TTC13: variants seen among roughly 807,000 people sequenced by gnomAD.
TTC13 encodes the protein tetratricopeptide repeat domain 13, also known as tetratricopeptide repeat protein 13.
TTC13 carries 62 observed loss-of-function variants against 120.0 expected under a neutral mutation model. The observed-to-expected ratio is 0.52, with a 90% CI of 0.42 to 0.64. The LOEUF (loss-of-function observed/expected upper bound fraction) is 0.64, where lower values mean the gene tolerates loss of function less well. TTC13 is among the 30% of genes least tolerant of loss of function. TTC13 has a pLI of 0.00. For missense variants in TTC13, 824 were observed against 1,050.2 expected (o/e 0.78, Z 2.98); for synonymous variants, 384 against 393.5 (o/e 0.98, Z 0.28).
chr1:230,908,681 A>C lies in TTC13; in HGVS notation c.2468+31T>G, dbSNP rs191543002. ...CTCCTTTTCCTCCTCCAGTTATGAT[A>C]CCCTTGTGTGGACCCCCCTCAAGTA... On this transcript the variant is annotated intron_variant, in intron 22 of 22. Coordinates refer to ENST00000366661, the MANE Select transcript of TTC13 (RefSeq NM_024525.5). 1.2e-4 allele frequency: 182 copies of C among 1,582,232 alleles called. No homozygotes were observed. The African/African-American group carries it at 2.0e-3, about 18-fold the overall frequency.
rs963820693 is a variant in TTC13 at position 230,940,852 on chromosome 1, T to C, written c.673-296A>G. On this transcript the variant is annotated intron_variant, in intron 6 of 22. Coordinates refer to ENST00000366661, the MANE Select transcript of TTC13 (RefSeq NM_024525.5). This position sits in a 1 kb window ranked among gnomAD's most constrained non-coding sequence, Gnocchi z 4.1. ...GCTTTTCCTGCAATGTGATTTTTTT[T>C]CTTGATTTTATCTTTTAAATCAAAA... Among the ~76,000 whole-genome samples, 1 of 152,244 alleles carries C rather than the reference T, an allele frequency of 6.6e-6. No homozygotes were observed. Among genetic ancestry groups the C allele is most frequent in the Non-Finnish European group, 1.5e-5 (1 of 68,040 alleles).
At chr1:230,959,971 T>A (rs1319856870) in intron 2 of TTC13, among the ~76,000 whole-genome samples, 2 of 152,242 alleles carry the variant, frequency 1.3e-5, no homozygotes, top group Non-Finnish European at 2.9e-5. Flanking sequence ...CATAATGATT[T>A]GGTTGATGAG....
chr1:230,933,889 C>T, intron 8 of TTC13, 28 bp from the exon 9 acceptor site: 1 of 1,405,352 alleles, frequency 7.1e-7, no homozygotes, highest in Non-Finnish European at 9.9e-7. Context: ...AAAATTATTT[C>T]ATTTGCATAA....
At chr1:230,958,556 C>T (rs1440108311) in intron 2 of TTC13, among the ~76,000 whole-genome samples, 1 of 152,172 alleles carries the variant, frequency 6.6e-6, no homozygotes, top group Non-Finnish European at 1.5e-5. Context: ...CCTGGTAAAG[C>T]TTCAAGATGT....
chr1:230,908,789 T>A lies in TTC13; in HGVS notation c.2391A>T (p.Leu797Phe). ...GGGCTGTCATAGCTTCAAAGTCGAC[T>A]AACTGAAAAAGAAAGACATTTAGGA... ...EVAGKIPKGK[L>F]VDFEAMTAPG... The change falls in exon 22 of 23, where the codon TTA (leucine) becomes TTT (phenylalanine). Residue 797 changes from leucine (L) to phenylalanine (F), a missense_variant and splice_region_variant. Around this residue, in one of 4 missense-constraint regions of TTC13, gnomAD observed 226 missense variants for 259.1 expected, o/e 0.87. Coordinates refer to ENST00000366661, the MANE Select transcript of TTC13 (RefSeq NM_024525.5). 1 of 1,612,660 alleles carries A rather than the reference T, an allele frequency of 6.2e-7. No individual in the cohort carries two copies. Among genetic ancestry groups the A allele is most frequent in the South Asian group, 1.1e-5 (1 of 91,056 alleles).
chr1:230,951,414 G>A (rs1675568118), intron 4 of TTC13, among the ~76,000 whole-genome samples: 1 of 151,236 alleles, frequency 6.6e-6, no homozygotes. Flanking sequence ...ATGAACTCAA[G>A]AAAACCAAAA....
Position 230,908,721 on chromosome 1 carries a change from T to C in TTC13, c.2459A>G (p.Asn820Ser), listed in dbSNP as rs1256085994. The C allele has an allele frequency of 2.5e-6, 4 of 1,613,268 alleles. No homozygotes were observed. The highest frequency in any genetic ancestry group is 3.4e-6 in the Non-Finnish European group (4 of 1,179,358). The part of the protein sequence containing the change: ...AFSKVAKSWM[N>S]LKSISPSYKT... ...CCCCTCAAGTAGTTACCTTTTCAAG[T>C]TCATCCAGCTTTTGGCGACTTTGCT... is the stretch of plus-strand genomic sequence containing the variant. Residue 820 changes from asparagine (N) to serine (S), a missense_variant, in exon 22 of 23, where the codon AAC becomes AGC. Asn to Ser is a conservative substitution (Grantham distance 46). Transcript: ENST00000366661.
chr1:230,925,466 C>A (rs759001799), intron 13 of TTC13, 51 bp downstream of exon 13: 1 of 1,602,792 alleles, frequency 6.2e-7, no homozygotes, highest in South Asian at 1.1e-5. Context: ...GCTTAACCAC[C>A]CTTCCTCTTA....
rs530748784 is a variant in TTC13 at position 230,906,811 on chromosome 1, T to C, written c.*94A>G. 3.3e-5 allele frequency: 16 copies of C among 489,706 alleles called. No individual in the cohort carries two copies. The highest frequency in any genetic ancestry group is 1.4e-4 in the East Asian group (4 of 28,948). 30.3% of individuals were successfully genotyped at this position (489,706 alleles called of 1,614,324 possible). ...CTATAAAAATTGGTATCAAAAGTAA[T>C]AGAGGACCTAATTTCTTTATAATTC... On this transcript the variant is annotated 3_prime_UTR_variant, in exon 23 of 23. Transcript: ENST00000366661.
At chr1:230,918,139 C>A (rs146496728) in intron 17 of TTC13, among the ~76,000 whole-genome samples, 2 of 152,324 alleles carry the variant, frequency 1.3e-5, no homozygotes, top group African/African-American at 4.8e-5. Flanking sequence ...GGCCTGGAAC[C>A]AGACTCTGTT....
intron 4 of TTC13, among the ~76,000 whole-genome samples, chr1:230,950,378 G>A (rs1675454091): frequency 6.6e-6 from 1 of 151,630 alleles, no homozygotes; most frequent in Non-Finnish European, 1.5e-5. Flanking sequence ...CAAAATCATG[G>A]TATAACAGTT....
At position 230,978,600 on chromosome 1, in the gene TTC13, C is replaced by A; in HGVS notation, c.231G>T (p.Gln77His). The A allele has an allele frequency of 7.0e-7, 1 of 1,423,806 alleles. No individual in the cohort carries two copies. The highest frequency in any genetic ancestry group is 9.3e-7 in the Non-Finnish European group (1 of 1,079,166). The allele number at this position is 1,423,806 out of a possible 1,614,324, so 88.2% of individuals were successfully genotyped here. ...APAGGGGCSP[Q>H]SGDWGDQYSA... is the part of the protein sequence containing the mutation. ...AGTACTGGTCCCCCCAGTCCCCGGA[C>A]TGCGGGCTGCAGCCGCCGCCGCCCG... Residue 77 changes from glutamine to histidine, a missense_variant, in exon 1 of 23, where the codon CAG (glutamine) becomes CAT (histidine). This residue lies in a region of TTC13 where 160 missense variants were observed against 137.2 expected (regional missense o/e 1.17). Coordinates refer to ENST00000366661, the MANE Select transcript of TTC13 (RefSeq NM_024525.5). The surrounding 1 kb of genome is among the most constrained non-coding windows in gnomAD (Gnocchi z 5.6).
rs1334031846 is a variant in TTC13, at chr1:230,931,815, T to C, written c.1046A>G (p.Asn349Ser). 1.2e-6 allele frequency: 2 copies of C among 1,614,136 alleles called. No individual in the cohort carries two copies. Among genetic ancestry groups the C allele is most frequent in the Non-Finnish European group, 1.7e-6 (2 of 1,180,006 alleles). Residue 349 changes from asparagine (N) to serine (S), a missense_variant, in exon 10 of 23, where the codon AAT becomes AGT. Asn to Ser is a conservative substitution (Grantham distance 46). Transcript: ENST00000366661. ...CCGGAGCTGGAGGGTTTGCACATGA[T>C]TTTGGTTGAGCAACAGTGCCTTTTG... ...SFQKALLLNQ[N>S]HVQTLQLRGM...
intron 4 of TTC13, among the ~76,000 whole-genome samples, chr1:230,949,493 C>G (rs995384113): frequency 6.7e-6 from 1 of 150,210 alleles, no homozygotes; most frequent in Non-Finnish European, 1.5e-5. Flanking sequence ...ATCATCTTGA[C>G]TGCAGGATTG....
chr1:230,953,778 T>TG (rs971304206), intron 4 of TTC13, among the ~76,000 whole-genome samples: 13 of 152,230 alleles, frequency 8.5e-5, no homozygotes, highest in African/African-American at 2.9e-4. Context: ...CTCTTATACA[T>TG]GCAGTGCTTA....
chr1:230,921,327 G>A (rs1160796903), intron 16 of TTC13, 94 bp downstream of exon 16: 16 of 716,876 alleles, frequency 2.2e-5, no homozygotes, highest in South Asian at 7.1e-5. Context: ...TGTTTAGCCC[G>A]TCAACAGGCT....
intron 4 of TTC13, among the ~76,000 whole-genome samples, chr1:230,951,529 TA>T (rs917212646): frequency 1.3e-5 from 2 of 152,172 alleles, no homozygotes; most frequent in Admixed American, 6.5e-5. Flanking sequence ...AAGGAACAGG[TA>T]AAAACTTATT....
intron 20 of TTC13, among the ~76,000 whole-genome samples, chr1:230,909,854 T>A (rs528488673): frequency 1.2e-4 from 19 of 152,240 alleles, no homozygotes; most frequent in African/African-American, 4.1e-4. Flanking sequence ...TCTGCTGCCC[T>A]GTCACTCCAG....
intron 4 of TTC13, among the ~76,000 whole-genome samples, chr1:230,953,945 G>A (rs1231870459): frequency 1.3e-5 from 2 of 152,076 alleles, no homozygotes; most frequent in Non-Finnish European, 2.9e-5. Flanking sequence ...AAATTAAGCT[G>A]GAATTTCAAG....
Sources: allele counts gnomAD v4.1 joint callset (sites outside exome capture counted in the v4.1 genomes callset), GRCh38; gene constraint gnomAD v4.1.1; regional missense constraint gnomAD v4.1.1; non-coding constraint Gnocchi (gnomAD v3.1); transcripts MANE v1.5; gene names NCBI Gene and HGNC (gene_info 2026-07-23, HGNC 2026-07-21).